HDAC4: variants seen among roughly 807,000 people sequenced by gnomAD.
HDAC4 encodes histone deacetylase 4, also known as histone deacetylase A.
HDAC4 carries 16 observed loss-of-function variants against 135.1 expected under a neutral mutation model. The ratio of observed to expected loss-of-function variants is 0.12; its 90% CI spans 0.08 to 0.18. The LOEUF (loss-of-function observed/expected upper bound fraction) is 0.18. HDAC4 is among the 10% of genes least tolerant of loss of function. HDAC4 has a pLI of 1.00. For synonymous variants in HDAC4, 685 were observed against 653.4 expected (o/e 1.05, Z -0.74); for missense variants, 1,143 against 1,511.8 (o/e 0.76, Z 4.05).
chr2:239,158,684 T>C (rs919810977), intron 6 of HDAC4, among the ~76,000 whole-genome samples: 1 of 151,822 alleles, frequency 6.6e-6, no homozygotes, highest in Admixed American at 6.6e-5. Flanking sequence ...ATAGCCCAGC[T>C]CACCGCCAGG....
rs1488487055 is a variant in HDAC4 at position 239,380,397 on chromosome 2, T to C, written c.-220+20581A>G. Among the ~76,000 whole-genome samples, 7 of 152,232 alleles carry C rather than the reference T, an allele frequency of 4.6e-5. No homozygotes were observed. In the South Asian group the frequency reaches 1.2e-3, roughly 27 times the overall value. The stretch of plus-strand genomic sequence containing the variant: ...ATTCTATATTGATAATATAGACATA[T>C]TTTATCTATGTGTAGCTATAGTTAT... On this transcript the variant is annotated intron_variant, in intron 1 of 26. Transcript: ENST00000543185.
chr2:239,122,491 A>G (rs946847270), intron 12 of HDAC4, among the ~76,000 whole-genome samples: 5 of 152,238 alleles, frequency 3.3e-5, no homozygotes, highest in African/African-American at 1.2e-4. Context: ...TGCGTTCTCC[A>G]GAAAGTTCCT....
intron 2 of HDAC4, among the ~76,000 whole-genome samples, chr2:239,301,852 C>T (rs570728590): frequency 6.6e-6 from 1 of 152,236 alleles, no homozygotes; most frequent in Non-Finnish European, 1.5e-5. Context: ...CGGTGTGATT[C>T]CTGAATGGTA....
intron 3 of HDAC4, among the ~76,000 whole-genome samples, chr2:239,231,466 G>A (rs2047551941): frequency 1.4e-5 from 2 of 141,596 alleles, no homozygotes; most frequent in Non-Finnish European, 3.2e-5. Flanking sequence ...TAGGAGCAGT[G>A]GGGGGCACAG....
Position 239,371,248 on chromosome 2 carries a change from CAT to C in HDAC4, c.-219-18332_-219-18331del, listed in dbSNP as rs1165659798. On this transcript the variant is annotated intron_variant, in intron 1 of 26. Transcript: ENST00000543185. ...CATATAAACACGTGTGTCACTCACA[CAT>C]GACCTCAAACTCACACACTCAATCA... Among the ~76,000 whole-genome samples the C allele has an allele frequency of 2.0e-5, 3 of 152,356 alleles. No homozygotes were observed. The South Asian group carries it at 6.2e-4, about 32-fold the overall frequency.
At chr2:239,243,972 T>TGA (rs2048333673) in intron 2 of HDAC4, among the ~76,000 whole-genome samples, 1 of 152,184 alleles carries the variant, frequency 6.6e-6, no homozygotes, top group Admixed American at 6.5e-5. Flanking sequence ...TCTCAGACCT[T>TGA]CCTTGTTTTT....
At chr2:239,126,002 G>A (rs550474325) in intron 12 of HDAC4, among the ~76,000 whole-genome samples, 2 of 152,384 alleles carry the variant, frequency 1.3e-5, no homozygotes, top group South Asian at 4.1e-4. Flanking sequence ...GATGGCCTGG[G>A]AGATGGGCAC....
chr2:239,278,022 A>C lies in HDAC4; in HGVS notation c.23-41358T>G, dbSNP rs147040076. Among the ~76,000 whole-genome samples, 52 of 61,058 alleles carry C rather than the reference A, an allele frequency of 8.5e-4. 1 individual carries two copies. The highest frequency in any genetic ancestry group is 3.2e-3 in the Admixed American group (20 of 6,170). 40.1% of individuals were successfully genotyped at this position (61,058 alleles called of 152,430 possible). On this transcript the variant is annotated intron_variant, in intron 2 of 26. Coordinates refer to ENST00000543185, the MANE Select transcript of HDAC4 (RefSeq NM_001378414.1). ...ACACACCCCAGCCACACACCCTAGC[A>C]ACACACTCCAGCCACACGCTCCAGC...
At position 239,118,437 on chromosome 2, in the gene HDAC4, G is replaced by C. The variant is rs537909141; in HGVS notation, c.1534-3127C>G. Among the ~76,000 whole-genome samples the C allele has an allele frequency of 1.6e-3, 243 of 152,326 alleles. 1 individual carries two copies. The highest frequency in any genetic ancestry group is 5.4e-3 in the African/African-American group (224 of 41,588). On this transcript the variant is annotated intron_variant, in intron 12 of 26. Transcript: ENST00000543185. ...AACCAGTAGGCGGCGTGGCACGTAA[G>C]GAACTCAGCTTCAGAAAGCCAAACT...
At chr2:239,156,927 T>G (rs563331237) in intron 6 of HDAC4, among the ~76,000 whole-genome samples, 154 bp from the exon 7 acceptor site, 1 of 152,178 alleles carries the variant, frequency 6.6e-6, no homozygotes, top group Non-Finnish European at 1.5e-5. Context: ...TGAAATTAAA[T>G]GGAAACAAAC....
intron 2 of HDAC4, among the ~76,000 whole-genome samples, chr2:239,272,626 T>C (rs1349860628): frequency 6.6e-6 from 1 of 152,226 alleles, no homozygotes; most frequent in Non-Finnish European, 1.5e-5. Flanking sequence ...TCACTTTCTA[T>C]CCACAAGGAT....
intron 11 of HDAC4, among the ~76,000 whole-genome samples, chr2:239,132,806 G>C (rs1028960615): frequency 2.6e-5 from 4 of 152,216 alleles, no homozygotes; most frequent in African/African-American, 4.8e-5. Flanking sequence ...CATCTCTGAC[G>C]AAGTGAATCC....
chr2:239,132,304 G>A (rs1205139903), intron 11 of HDAC4, among the ~76,000 whole-genome samples: 2 of 152,232 alleles, frequency 1.3e-5, no homozygotes, highest in African/African-American at 4.8e-5. Flanking sequence ...AGAAAGCTGG[G>A]ACAGAGGCGG....
chr2:239,395,553 AAAGT>A (rs1238607649), intron 1 of HDAC4, among the ~76,000 whole-genome samples: 4 of 152,252 alleles, frequency 2.6e-5, no homozygotes, highest in African/African-American at 9.6e-5. Context: ...CTACTGTAAA[AAAGT>A]AATACACGCT....
chr2:239,351,096 G>A (rs1219474144), intron 2 of HDAC4, among the ~76,000 whole-genome samples: 1 of 152,216 alleles, frequency 6.6e-6, no homozygotes, highest in Non-Finnish European at 1.5e-5. Flanking sequence ...CAGTTGGAAC[G>A]AGGCTTCTGG....
intron 9 of HDAC4, among the ~76,000 whole-genome samples, chr2:239,138,692 TC>T (rs1212086560): frequency 6.6e-6 from 1 of 152,132 alleles, no homozygotes; most frequent in Non-Finnish European, 1.5e-5. Context: ...TCTCTCTTCT[TC>T]CCCGTGCTCT....
intron 3 of HDAC4, among the ~76,000 whole-genome samples, chr2:239,208,166 CA>C (rs56710767): frequency 9.3e-4 from 131 of 140,650 alleles, no homozygotes; most frequent in South Asian, 9.1e-4. Context: ...ACTAAAAATA[CA>C]AAAAAAAAAA....
intron 8 of HDAC4, among the ~76,000 whole-genome samples, chr2:239,143,943 G>C (rs1170704717): frequency 6.6e-6 from 1 of 152,198 alleles, no homozygotes; most frequent in Non-Finnish European, 1.5e-5. Flanking sequence ...TGGGGTGAGG[G>C]GTGTACCCTG....
At chr2:239,369,904 G>A (rs932115008) in intron 1 of HDAC4, among the ~76,000 whole-genome samples, 5 of 152,252 alleles carry the variant, frequency 3.3e-5, no homozygotes, top group South Asian at 4.1e-4. Flanking sequence ...TGAAAGTGGC[G>A]TCATGCCCTG....
Sources: allele counts gnomAD v4.1 joint callset (sites outside exome capture counted in the v4.1 genomes callset), GRCh38; gene constraint gnomAD v4.1.1; transcripts MANE v1.5; gene names NCBI Gene and HGNC (gene_info 2026-07-23, HGNC 2026-07-21).